The following RICTOR variants were observed in gnomAD, a reference collection of about 807,000 sequenced individuals.
RICTOR encodes the protein rapamycin-insensitive companion of mTOR.
In RICTOR, 49 loss-of-function variants were observed where a neutral mutation model predicts 214.9. That is an observed-to-expected ratio of 0.23 (90% CI 0.18 to 0.29). The LOEUF is 0.29. Ranked by LOEUF, RICTOR falls within the 10% of genes least tolerant of loss-of-function variation. The pLI, the probability that RICTOR is intolerant of heterozygous loss-of-function variation, is 1.00. For synonymous variants in RICTOR, 717 were observed against 711.3 expected (o/e 1.01, Z -0.13); for missense variants, 1,625 against 2,047.0 (o/e 0.79, Z 3.98).
intron 2 of RICTOR, among the ~76,000 whole-genome samples, chr5:39,066,223 C>T (rs952650535): frequency 1.1e-4 from 17 of 152,260 alleles, no homozygotes; most frequent in Non-Finnish European, 2.1e-4. Flanking sequence ...GCCATCAAGT[C>T]TTATGGCTTG....
intron 3 of RICTOR, among the ~76,000 whole-genome samples, chr5:39,004,705 G>A (rs570461058): frequency 2.7e-5 from 4 of 149,536 alleles, no homozygotes; most frequent in Non-Finnish European, 5.9e-5. Context: ...GGTGATCCAC[G>A]ATCTGCCTGC....
chr5:39,028,657 A>C (rs1376491284), intron 2 of RICTOR, among the ~76,000 whole-genome samples: 1 of 152,216 alleles, frequency 6.6e-6, no homozygotes, highest in East Asian at 1.9e-4. Context: ...TAACAGCCCC[A>C]AAGTGGAAAC....
intron 2 of RICTOR, among the ~76,000 whole-genome samples, chr5:39,044,777 A>G (rs1455669709): frequency 6.6e-6 from 1 of 152,218 alleles, no homozygotes; most frequent in Non-Finnish European, 1.5e-5. Flanking sequence ...CAAAAATTTA[A>G]GCCTGCTGTC....
At chr5:39,042,899 G>A (rs1172915357) in intron 2 of RICTOR, among the ~76,000 whole-genome samples, 1 of 152,106 alleles carries the variant, frequency 6.6e-6, no homozygotes, top group African/African-American at 2.4e-5. Context: ...AAAATGCAGG[G>A]AGCCATGAAC....
intron 28 of RICTOR, 86 bp from the exon 29 acceptor site, chr5:38,953,177 C>T (rs1050075054): frequency 1.9e-5 from 17 of 894,804 alleles, no homozygotes; most frequent in Non-Finnish European, 2.8e-5. Flanking sequence ...AATTTAACCT[C>T]ATCTCTGAGA....
chr5:39,053,379 A>C (rs1757974816), intron 2 of RICTOR, among the ~76,000 whole-genome samples: 1 of 152,116 alleles, frequency 6.6e-6, no homozygotes. Flanking sequence ...AGGATTATGA[A>C]CCCTCAGTGT....
rs186071358 is a variant in RICTOR, at chr5:39,068,687, C to G, written c.97+5424G>C. Among the ~76,000 whole-genome samples the G allele has an allele frequency of 1.4e-4, 21 of 152,226 alleles. No individual in the cohort carries two copies. The East Asian group carries it at 3.7e-3, about 27-fold the overall frequency. On this transcript the variant is annotated intron_variant, in intron 2 of 37. Coordinates refer to ENST00000357387, the MANE Select transcript of RICTOR (RefSeq NM_152756.5). Reference sequence around the variant, plus strand: ...AGAAGATATTACTGCCACACGATGACATAATGAGGATATGAACTGACAATG... The same window carrying G: ...AGAAGATATTACTGCCACACGATGAGATAATGAGGATATGAACTGACAATG...
chr5:39,058,067 A>C (rs1758311489), intron 2 of RICTOR, among the ~76,000 whole-genome samples: 1 of 152,030 alleles, frequency 6.6e-6, no homozygotes, highest in Admixed American at 6.5e-5. Flanking sequence ...TCAGGTATTT[A>C]ATCAATTTCC....
chr5:38,962,525 T>C lies in RICTOR; in HGVS notation c.1628A>G (p.Asn543Ser), dbSNP rs2150023012. The change falls in exon 18 of 38, where the codon AAT becomes AGT. Residue 543 changes from asparagine to serine, a missense_variant. Asn to Ser is a conservative substitution (Grantham distance 46). Around this residue, in one of 5 missense-constraint regions of RICTOR, gnomAD observed 1,214 missense variants for 1,470.5 expected, o/e 0.83. Transcript: ENST00000357387. ...RDSQVLQHKENLEWNWNLIGT... is the reference protein window; with the variant it reads ...RDSQVLQHKESLEWNWNLIGT... ...TATAAGATTCCAATTCCATTCAAGATTCTCTTTATGTTGAAGGACTTGGCT... is the reference window on the plus strand; with the variant it reads ...TATAAGATTCCAATTCCATTCAAGACTCTCTTTATGTTGAAGGACTTGGCT... The C allele has an allele frequency of 3.2e-6, 5 of 1,585,948 alleles. 1 individual carries two copies. The South Asian group carries it at 5.8e-5, about 18-fold the overall frequency.
intron 7 of RICTOR, among the ~76,000 whole-genome samples, chr5:38,983,475 A>G (rs997720259): frequency 2.6e-5 from 4 of 152,204 alleles, no homozygotes; most frequent in African/African-American, 9.7e-5. Context: ...AACCTGGCTA[A>G]AAGTTTTAAA....
At chr5:39,056,581 G>A (rs541852711) in intron 2 of RICTOR, among the ~76,000 whole-genome samples, 2 of 151,942 alleles carry the variant, frequency 1.3e-5, no homozygotes, top group South Asian at 2.1e-4. Context: ...AGGCTGCAGC[G>A]AGCCATGATC....
At chr5:39,050,369 C>T in intron 2 of RICTOR, among the ~76,000 whole-genome samples, 1 of 151,890 alleles carries the variant, frequency 6.6e-6, no homozygotes, top group East Asian at 1.9e-4. Flanking sequence ...CGGGGTCTCT[C>T]TCTGTCTCCC....
intron 2 of RICTOR, among the ~76,000 whole-genome samples, chr5:39,040,685 T>G (rs1238169494): frequency 6.6e-6 from 1 of 152,002 alleles, no homozygotes; most frequent in Non-Finnish European, 1.5e-5. Flanking sequence ...TTCCATAATT[T>G]TATTACTTAT....
At chr5:39,063,688 TGAAG>T (rs1347015834) in intron 2 of RICTOR, among the ~76,000 whole-genome samples, 1 of 152,128 alleles carries the variant, frequency 6.6e-6, no homozygotes, top group African/African-American at 2.4e-5. Flanking sequence ...AGAAACTCCC[TGAAG>T]GAAGATGTAT....
chr5:39,036,717 A>C (rs940464148), intron 2 of RICTOR, among the ~76,000 whole-genome samples: 13 of 152,252 alleles, frequency 8.5e-5, no homozygotes, highest in African/African-American at 3.1e-4. Flanking sequence ...AAAGAGACAA[A>C]GAAGGCCATT....
At chr5:39,047,862 A>G (rs2150181573) in intron 2 of RICTOR, among the ~76,000 whole-genome samples, 1 of 152,348 alleles carries the variant, frequency 6.6e-6, no homozygotes, top group Non-Finnish European at 1.5e-5. Context: ...TTCTACAACT[A>G]AGTTATTGAA....
chr5:39,031,684 G>A (rs1192747660), intron 2 of RICTOR, among the ~76,000 whole-genome samples: 1 of 152,116 alleles, frequency 6.6e-6, no homozygotes, highest in Admixed American at 6.5e-5. Flanking sequence ...ATTCTATGAT[G>A]TATTTGTGAA....
rs1748317036 is a variant in RICTOR at position 38,947,308 on chromosome 5, AATC to A, written c.4267_4269del (p.Asp1423del). 6.2e-7 allele frequency: 1 copy of A among 1,613,070 alleles called. No homozygotes were observed. Among genetic ancestry groups the A allele is most frequent in the African/African-American group, 1.3e-5 (1 of 75,004 alleles). On this transcript the variant is annotated inframe_deletion, in exon 32 of 38. Transcript: ENST00000357387. ...TCCACCGGGAGAGCAAGACCAATGT[AATC>A]ATCTGAACCCCCATATGTGGCACTG...
intron 3 of RICTOR, among the ~76,000 whole-genome samples, chr5:39,017,864 G>A (rs1383806530): frequency 6.6e-6 from 1 of 152,058 alleles, no homozygotes; most frequent in East Asian, 1.9e-4. Flanking sequence ...ACATTTACTT[G>A]AGACTCTTTA....
Sources: allele counts gnomAD v4.1 joint callset (sites outside exome capture counted in the v4.1 genomes callset), GRCh38; gene constraint gnomAD v4.1.1; regional missense constraint gnomAD v4.1.1; transcripts MANE v1.5; gene names NCBI Gene and HGNC (gene_info 2026-07-23, HGNC 2026-07-21).